DENND1A: variants seen among roughly 807,000 people sequenced by gnomAD.
The protein encoded by DENND1A is DENN domain-containing protein 1A.
DENND1A carries 51 observed loss-of-function variants against 113.7 expected under a neutral mutation model. The observed-to-expected ratio is 0.45, with a 90% confidence interval of 0.36 to 0.57. The LOEUF (loss-of-function observed/expected upper bound fraction) is 0.57, where lower values mean the gene tolerates loss of function less well. Ranked by LOEUF, DENND1A falls within the 20% of genes least tolerant of loss-of-function variation. The pLI is 0.00. For missense variants in DENND1A, 1,258 were observed against 1,395.9 expected (o/e 0.90, Z 1.57); for synonymous variants, 565 against 570.8 (o/e 0.99, Z 0.14).
At chr9:123,588,801 C>G (rs1258021402) in intron 11 of DENND1A, among the ~76,000 whole-genome samples, 1 of 150,050 alleles carries the variant, frequency 6.7e-6, no homozygotes, top group Non-Finnish European at 1.5e-5. Flanking sequence ...GGGAGTCTCG[C>G]TCTGTTGCCA....
intron 9 of DENND1A, among the ~76,000 whole-genome samples, chr9:123,648,192 G>A (rs1434380170): frequency 2.0e-5 from 3 of 152,042 alleles, no homozygotes; most frequent in Non-Finnish European, 4.4e-5. Flanking sequence ...TGATCTTCCC[G>A]CCTCAGCATC....
At chr9:123,671,213 A>G (rs1199376840) in intron 7 of DENND1A, 78 bp downstream of exon 7, 2 of 1,555,134 alleles carry the variant, frequency 1.3e-6, no homozygotes, top group Non-Finnish European at 1.8e-6. Context: ...ACAAAATACA[A>G]TCCTGTTCAG....
At chr9:123,653,030 T>C (rs1168539790) in intron 8 of DENND1A, among the ~76,000 whole-genome samples, 2 of 152,148 alleles carry the variant, frequency 1.3e-5, no homozygotes, top group Admixed American at 1.3e-4. Flanking sequence ...CCTCTGAAAA[T>C]GAAAGGGGTT....
At position 123,514,065 on chromosome 9, in the gene DENND1A, G is replaced by GGTGTGTGTGTGTGT. The variant is rs775882728; in HGVS notation, c.993+43491_993+43504dup. On this transcript the variant is annotated intron_variant, in intron 13 of 23. Transcript: ENST00000394215. ...TGGGCAAGGTAGGGTTCTATTTTGA[G>GGTGTGTGTGTGTGT]GTGTGTGTGTGTGTGTGTGTGTGTG... 5.3e-3 allele frequency among the ~76,000 whole-genome samples: 581 copies of GGTGTGTGTGTGTGT among 109,276 alleles called. 4 individuals are homozygous for GGTGTGTGTGTGTGT. The highest frequency in any genetic ancestry group is 0.013 in the East Asian group (40 of 3,104). 71.7% of individuals were successfully genotyped at this position (109,276 alleles called of 152,430 possible).
At chr9:123,834,737 G>GT (rs1220842349) in intron 2 of DENND1A, among the ~76,000 whole-genome samples, 2 of 152,176 alleles carry the variant, frequency 1.3e-5, no homozygotes, top group Non-Finnish European at 2.9e-5. Context: ...ACCGCATATA[G>GT]TAAGTCTACA....
At chr9:123,789,968 T>G (rs955767809) in intron 3 of DENND1A, among the ~76,000 whole-genome samples, 8 of 148,394 alleles carry the variant, frequency 5.4e-5, no homozygotes, top group African/African-American at 2.0e-4. Flanking sequence ...TGAGAAAAAC[T>G]GGGGGAGGGG....
intron 5 of DENND1A, among the ~76,000 whole-genome samples, chr9:123,713,133 A>C (rs149630822): frequency 6.6e-6 from 1 of 152,372 alleles, no homozygotes; most frequent in Admixed American, 6.5e-5. Context: ...CAAGGGGCAG[A>C]GAATGCCTTG....
At chr9:123,869,968 A>T (rs1846287489) in intron 2 of DENND1A, among the ~76,000 whole-genome samples, 1 of 149,658 alleles carries the variant, frequency 6.7e-6, no homozygotes, top group Non-Finnish European at 1.5e-5. Flanking sequence ...ACTGTTATGT[A>T]AGAGTGCCTG....
intron 2 of DENND1A, among the ~76,000 whole-genome samples, chr9:123,858,583 A>T (rs569050947): frequency 7.2e-5 from 11 of 152,078 alleles, no homozygotes; most frequent in Non-Finnish European, 1.5e-4. Context: ...GGTGACTGGC[A>T]GTGGGGGTAA....
Position 123,919,364 on chromosome 9 carries a change from G to C in DENND1A, c.17+10525C>G, listed in dbSNP as rs551783249. Among the ~76,000 whole-genome samples, 15 of 151,350 alleles carry C rather than the reference G, an allele frequency of 9.9e-5. No homozygotes were observed. In the East Asian group the frequency reaches 2.9e-3, roughly 29 times the overall value. On this transcript the variant is annotated intron_variant, in intron 1 of 23. Coordinates refer to ENST00000394215, the MANE Select transcript of DENND1A (RefSeq NM_001352964.2). ...GCGCACACCTGTAATCCCAGCTACT[G>C]GGGAGGTTGAGGCAGGAGAATCGCT...
chr9:123,714,979 C>T lies in DENND1A; in HGVS notation c.303-38190G>A, dbSNP rs1159022030. 3.3e-5 allele frequency among the ~76,000 whole-genome samples: 5 copies of T among 151,970 alleles called. No individual in the cohort carries two copies. The South Asian group carries it at 6.3e-4, about 19-fold the overall frequency. ...GGCAAATCACCTGAGGTCAGGAGTT[C>T]GAGACCAGCCTGGCCAACATGGCGA... On this transcript the variant is annotated intron_variant, in intron 5 of 23. Transcript: ENST00000394215.
intron 5 of DENND1A, among the ~76,000 whole-genome samples, chr9:123,743,441 A>T (rs1487346629): frequency 1.3e-5 from 2 of 150,436 alleles, no homozygotes; most frequent in African/African-American, 4.9e-5. Flanking sequence ...TAATAAAAAT[A>T]AAAACATAGG....
At chr9:123,456,638 C>T (rs1188410499) in intron 15 of DENND1A, among the ~76,000 whole-genome samples, 2 of 152,150 alleles carry the variant, frequency 1.3e-5, no homozygotes, top group Admixed American at 1.3e-4. Flanking sequence ...TGGCGAAACC[C>T]TGTCTCTACT....
At chr9:123,810,228 T>C (rs1836318863) in intron 2 of DENND1A, among the ~76,000 whole-genome samples, 1 of 152,108 alleles carries the variant, frequency 6.6e-6, no homozygotes. Flanking sequence ...GGCCTCATGG[T>C]GTTGGCCATC....
chr9:123,425,720 C>T (rs2045670211), intron 19 of DENND1A, among the ~76,000 whole-genome samples: 1 of 152,242 alleles, frequency 6.6e-6, no homozygotes, highest in Non-Finnish European at 1.5e-5. Context: ...GGTATAAATG[C>T]ATCCCCAGCA....
intron 5 of DENND1A, among the ~76,000 whole-genome samples, chr9:123,719,679 T>C (rs539898176): frequency 1.3e-5 from 2 of 152,306 alleles, no homozygotes; most frequent in East Asian, 3.9e-4. Flanking sequence ...TAGAGCAAGA[T>C]AATCCTGAGG....
At chr9:123,439,279 G>T in intron 19 of DENND1A, among the ~76,000 whole-genome samples, 1 of 152,136 alleles carries the variant, frequency 6.6e-6, no homozygotes. Flanking sequence ...ATCAGAAAAG[G>T]GGATGAACCT....
At chr9:123,857,465 A>G (rs1411883088) in intron 2 of DENND1A, among the ~76,000 whole-genome samples, 1 of 152,226 alleles carries the variant, frequency 6.6e-6, no homozygotes, top group African/African-American at 2.4e-5. Flanking sequence ...CCCCCAAAAC[A>G]ATTGTTAATT....
chr9:123,494,743 G>C (rs2051707455), intron 13 of DENND1A, among the ~76,000 whole-genome samples: 1 of 151,716 alleles, frequency 6.6e-6, no homozygotes, highest in Non-Finnish European at 1.5e-5. Context: ...CATCTTTTAG[G>C]ACCTGCCTCA....
Sources: allele counts gnomAD v4.1 joint callset (sites outside exome capture counted in the v4.1 genomes callset), GRCh38; gene constraint gnomAD v4.1.1; transcripts MANE v1.5; gene names NCBI Gene and HGNC (gene_info 2026-07-23, HGNC 2026-07-21).